SEC14L1: variants seen among roughly 807,000 people sequenced by gnomAD.
SEC14L1 encodes SEC14-like protein 1.
Under a neutral mutation model 85.3 loss-of-function variants are expected in SEC14L1, and 48 were observed. The observed-to-expected ratio is 0.56, with a 90% CI of 0.45 to 0.72. SEC14L1 has a LOEUF of 0.72. SEC14L1 is among the 30% of genes least tolerant of loss of function. The probability of loss-of-function intolerance (pLI) is 0.00; values close to 1 mark genes in which losing one functional copy is unlikely to be tolerated. For missense variants in SEC14L1, 682 were observed against 921.4 expected, an observed-to-expected ratio of 0.74 and a Z score of 3.36; for synonymous variants, 391 against 355.5, an observed-to-expected ratio of 1.10 and a Z score of -1.12.
chr17:77,109,825 C>G (rs1972009115), intron 3 of SEC14L1, among the ~76,000 whole-genome samples: 1 of 152,202 alleles, frequency 6.6e-6, no homozygotes, highest in African/African-American at 2.4e-5. Flanking sequence ...ACTAGAGTCC[C>G]CAGCCTCACC....
intron 3 of SEC14L1, among the ~76,000 whole-genome samples, chr17:77,165,268 T>G (rs1225503578): frequency 6.6e-6 from 1 of 152,202 alleles, no homozygotes; most frequent in Non-Finnish European, 1.5e-5. Context: ...TTTAGAAAGT[T>G]TATTTTGCCA....
intron 3 of SEC14L1, among the ~76,000 whole-genome samples, chr17:77,188,834 T>C (rs1975391068): frequency 6.6e-6 from 1 of 152,240 alleles, no homozygotes; most frequent in East Asian, 1.9e-4. Flanking sequence ...AGTTGTATAG[T>C]GATACTCCTT....
intron 10 of SEC14L1, among the ~76,000 whole-genome samples, chr17:77,204,491 A>G (rs1368242823): frequency 7.1e-6 from 1 of 141,340 alleles, no homozygotes; most frequent in Non-Finnish European, 1.5e-5. Flanking sequence ...AAGTGCTGGA[A>G]TTACAGGCTT....
intron 9 of SEC14L1, among the ~76,000 whole-genome samples, chr17:77,202,379 G>T: frequency 6.6e-6 from 1 of 152,172 alleles, no homozygotes; most frequent in East Asian, 1.9e-4. Context: ...AGCACTTTGG[G>T]AGGCTGAAGC....
intron 3 of SEC14L1, among the ~76,000 whole-genome samples, chr17:77,144,484 C>T (rs1010419187): frequency 9.9e-5 from 15 of 152,174 alleles, no homozygotes; most frequent in Non-Finnish European, 1.6e-4. Context: ...TAAATAGAAA[C>T]GCAGGTGTTT....
upstream of SEC14L1, among the ~76,000 whole-genome samples, chr17:77,137,275 G>A (rs1014223236): frequency 2.6e-5 from 4 of 152,142 alleles, no homozygotes; most frequent in East Asian, 7.7e-4. Context: ...TCCACAGGCT[G>A]TTCAGGAAGC....
At chr17:77,164,151 C>T (rs1159714649) in intron 3 of SEC14L1, among the ~76,000 whole-genome samples, 1 of 152,242 alleles carries the variant, frequency 6.6e-6, no homozygotes, top group Non-Finnish European at 1.5e-5. Flanking sequence ...ATTGCCCTGA[C>T]CTGGCTGCCT....
At chr17:77,130,466 T>C (rs952533302) in intron 3 of SEC14L1, among the ~76,000 whole-genome samples, 1 of 151,812 alleles carries the variant, frequency 6.6e-6, no homozygotes, top group African/African-American at 2.4e-5. Context: ...ACAAGTGCGC[T>C]ACCACACTCA....
intron 3 of SEC14L1, among the ~76,000 whole-genome samples, chr17:77,147,493 A>G (rs970439336): frequency 6.6e-6 from 1 of 152,190 alleles, no homozygotes; most frequent in Non-Finnish European, 1.5e-5. Context: ...ATATCAGCCC[A>G]GAAACAGAAT....
intron 7 of SEC14L1, among the ~76,000 whole-genome samples, chr17:77,195,265 G>T (rs1824589870): frequency 6.6e-6 from 1 of 151,650 alleles, no homozygotes; most frequent in Non-Finnish European, 1.5e-5. Flanking sequence ...CAAAGTGCTG[G>T]GATTATAGGT....
At chr17:77,107,850 G>A (rs1424314208) in intron 3 of SEC14L1, among the ~76,000 whole-genome samples, 1 of 152,198 alleles carries the variant, frequency 6.6e-6, no homozygotes, top group Non-Finnish European at 1.5e-5. Flanking sequence ...TTTGAGAAAG[G>A]AGCCATGCTG....
rs777489087 is a variant in SEC14L1 at position 77,206,427 on chromosome 17, CTG to C, written c.1341+30_1341+31del. ...TGGGTTGAGATGCTTTTTGCAGTAA[CTG>C]TGAGCCATTTGGAAAGCAGATAACA... On this transcript the variant is annotated intron_variant, in intron 12 of 16. Coordinates refer to ENST00000436233, the MANE Select transcript of SEC14L1 (RefSeq NM_001143998.2). The surrounding 1 kb of genome is among the most constrained non-coding windows in gnomAD (Gnocchi z 4.3). 3.2e-5 allele frequency: 52 copies of C among 1,601,518 alleles called. No homozygotes were observed. The highest frequency in any genetic ancestry group is 4.4e-5 in the Non-Finnish European group (51 of 1,170,864).
intron 3 of SEC14L1, among the ~76,000 whole-genome samples, chr17:77,111,635 A>AT (rs1972050598): frequency 6.6e-6 from 1 of 152,170 alleles, no homozygotes; most frequent in African/African-American, 2.4e-5. Flanking sequence ...TTAAGGTTTA[A>AT]TGACTGCCCT....
chr17:77,163,000 G>A (rs1025507519), intron 3 of SEC14L1, among the ~76,000 whole-genome samples: 1 of 152,040 alleles, frequency 6.6e-6, no homozygotes, highest in Non-Finnish European at 1.5e-5. Context: ...TATTGGCCAC[G>A]TACCAGGGAG....
chr17:77,201,843 T>TA (rs1976164075), intron 9 of SEC14L1, among the ~76,000 whole-genome samples: 2 of 152,344 alleles, frequency 1.3e-5, no homozygotes, highest in South Asian at 4.1e-4. Context: ...TTGCTTTAAG[T>TA]AGACCAGGTC....
At chr17:77,207,925 G>A (rs1217033139) in intron 13 of SEC14L1, among the ~76,000 whole-genome samples, 1 of 152,202 alleles carries the variant, frequency 6.6e-6, no homozygotes. Context: ...ATGGTGCACA[G>A]TTGTGTCTTG....
intron 3 of SEC14L1, among the ~76,000 whole-genome samples, chr17:77,117,806 A>T (rs1233276032): frequency 1.3e-5 from 2 of 152,034 alleles, no homozygotes; most frequent in Non-Finnish European, 2.9e-5. Context: ...CGTTCCCACC[A>T]CTTTAAGGGA....
intron 3 of SEC14L1, among the ~76,000 whole-genome samples, chr17:77,182,208 T>TTTTC: frequency 6.6e-6 from 1 of 152,308 alleles, no homozygotes; most frequent in South Asian, 2.1e-4. Flanking sequence ...TTGAATGGGT[T>TTTTC]TTTCTGGTGG....
intron 3 of SEC14L1, among the ~76,000 whole-genome samples, chr17:77,145,428 C>T (rs770853494): frequency 3.9e-5 from 6 of 152,118 alleles, no homozygotes; most frequent in Non-Finnish European, 8.8e-5. Context: ...TGTGGTGCGC[C>T]TTCCCTTTCA....
Sources: gnomAD v4.1 joint callset for allele counts (sites outside exome capture counted in the v4.1 genomes callset) on GRCh38, gnomAD v4.1.1 for gene constraint, Gnocchi (gnomAD v3.1) non-coding constraint, MANE v1.5 for transcripts, NCBI Gene and HGNC (gene_info 2026-07-23, HGNC 2026-07-21) for gene names.